Variants in C12orf42 observed in about 807,000 individuals in gnomAD.
C12orf42 encodes the protein uncharacterized protein C12orf42.
In C12orf42, 25 loss-of-function variants were observed where a neutral mutation model predicts 21.6. The ratio of observed to expected loss-of-function variants is 1.16; its 90% CI spans 0.84 to 1.62. The LOEUF (loss-of-function observed/expected upper bound fraction) is 1.62. C12orf42 is among the 40% of genes most tolerant of loss of function. The probability of loss-of-function intolerance (pLI) is 0.00; values close to 1 mark genes in which losing one functional copy is unlikely to be tolerated. For synonymous variants in C12orf42, 174 were observed against 175.0 expected, an observed-to-expected ratio of 0.99 and a Z score of 0.05; for missense variants, 483 against 459.3, an observed-to-expected ratio of 1.05 and a Z score of -0.47.
chr12:103,302,460 GGCTCGA>G lies in C12orf42; in HGVS notation c.725_730del (p.Leu242_Glu243del), dbSNP rs762986249. The G allele has an allele frequency of 1.9e-6, 3 of 1,613,504 alleles. No individual in the cohort carries two copies. The African/African-American group carries it at 4.0e-5, about 22-fold the overall frequency. ...TGCTGGGACTGCCATCCTCTCCTCC[GGCTCGA>G]GCTCTGTGTTACTCGGGCCGGTGCT... On this transcript the variant is annotated inframe_deletion, in exon 6 of 6. Coordinates refer to ENST00000548883, the MANE Select transcript of C12orf42 (RefSeq NM_198521.5).
rs1463800002 is a variant in C12orf42 at position 103,306,292 on chromosome 12, A to T, written c.313T>A (p.Cys105Ser). 10 of 1,613,296 alleles carry T rather than the reference A, an allele frequency of 6.2e-6. No individual in the cohort carries two copies. The highest frequency in any genetic ancestry group is 8.5e-6 in the Non-Finnish European group (10 of 1,179,638). ...GAACACCTGGGGACTATGTACTGGC[A>T]AGTATGAAGTAGTCTTTTACACGCC... The part of the protein sequence containing the change: ...SMACKRLLHT[C>S]QYIVPRCSVS... Residue 105 changes from cysteine to serine, a missense_variant, in exon 5 of 6, where the codon TGC (cysteine) becomes AGC (serine). By Grantham distance (112) the Cys-to-Ser change is moderately radical. Coordinates refer to ENST00000548883, the MANE Select transcript of C12orf42 (RefSeq NM_198521.5).
chr12:103,482,163 C>T (rs192108108), intron 1 of C12orf42, among the ~76,000 whole-genome samples: 181 of 152,122 alleles, frequency 1.2e-3, no homozygotes, highest in Non-Finnish European at 2.2e-3. Context: ...CATAATCAGC[C>T]TTTTTTGCAT....
the C12orf42 span, among the ~76,000 whole-genome samples, chr12:103,193,878 C>A: frequency 6.6e-6 from 1 of 152,034 alleles, no homozygotes; most frequent in Non-Finnish European, 1.5e-5. Context: ...GGCACCAACA[C>A]AAAACTATAG....
chr12:103,273,760 G>A (rs952483484), intron 5 of C12orf42: 3 of 439,728 alleles, frequency 6.8e-6, no homozygotes, highest in Non-Finnish European at 1.4e-5. Flanking sequence ...AGAAAGAGAA[G>A]AGAAAGAGAA....
At chr12:103,171,181 A>T in the C12orf42 span, among the ~76,000 whole-genome samples, 1 of 152,156 alleles carries the variant, frequency 6.6e-6, no homozygotes, top group African/African-American at 2.4e-5. Flanking sequence ...CTAAAATAGC[A>T]GCCATCCCAA....
At chr12:103,170,686 ATCTC>A in the C12orf42 span, among the ~76,000 whole-genome samples, 1 of 152,034 alleles carries the variant, frequency 6.6e-6, no homozygotes, top group Non-Finnish European at 1.5e-5. Context: ...GTGTCCTGCC[ATCTC>A]TCTCTCTTCT....
chr12:103,412,604 G>C lies in C12orf42; in HGVS notation c.79-10929C>G, dbSNP rs2048946326. On this transcript the variant is annotated intron_variant, in intron 2 of 5. Coordinates refer to ENST00000548883, the MANE Select transcript of C12orf42 (RefSeq NM_198521.5). ...GAATCACTTGAACCTGGGAGGCAGA[G>C]GTTGGCTTACTACAACTTACTGCAA... Among the ~76,000 whole-genome samples the C allele has an allele frequency of 1.4e-4, 21 of 152,304 alleles. No individual in the cohort carries two copies. The South Asian group carries it at 4.4e-3, about 32-fold the overall frequency.
intron 4 of C12orf42, among the ~76,000 whole-genome samples, chr12:103,362,707 A>T (rs561230567): frequency 1.3e-5 from 2 of 152,250 alleles, no homozygotes; most frequent in South Asian, 2.1e-4. Flanking sequence ...AAGCTCCTGG[A>T]AAGTCTCAGC....
At chr12:103,551,910 C>G in the C12orf42 span, among the ~76,000 whole-genome samples, 1 of 152,052 alleles carries the variant, frequency 6.6e-6, no homozygotes, top group Non-Finnish European at 1.5e-5. Flanking sequence ...AAGAGAATCA[C>G]CTTAGTCTAG....
In C12orf42 at chr12:103,445,183, C is replaced by G. The variant is rs75888700; in HGVS notation, c.78+33166G>C. Among the ~76,000 whole-genome samples, 835 of 152,120 alleles carry G rather than the reference C, an allele frequency of 5.5e-3. 10 individuals carry two copies. Among genetic ancestry groups the G allele is most frequent in the African/African-American group, 0.019 (788 of 41,550 alleles). Reference sequence around the variant, plus strand: ...TTCTCCCTCAACCTGTGGGATCTGACACTGTCTCCAGGTAGATGATGTCAG... The same window carrying G: ...TTCTCCCTCAACCTGTGGGATCTGAGACTGTCTCCAGGTAGATGATGTCAG... On this transcript the variant is annotated intron_variant, in intron 2 of 5. Coordinates refer to ENST00000548883, the MANE Select transcript of C12orf42 (RefSeq NM_198521.5).
chr12:103,309,815 C>T (rs945946433), intron 4 of C12orf42, among the ~76,000 whole-genome samples: 3 of 152,222 alleles, frequency 2.0e-5, no homozygotes, highest in African/African-American at 7.2e-5. Context: ...GCAAAGAGGG[C>T]ATTGGCCATG....
intron 3 of C12orf42, among the ~76,000 whole-genome samples, chr12:103,393,387 A>G (rs999586406): frequency 1.3e-5 from 2 of 152,148 alleles, no homozygotes; most frequent in African/African-American, 4.8e-5. Context: ...ACGCACTATC[A>G]CAAGAACAGT....
the C12orf42 span, among the ~76,000 whole-genome samples, chr12:103,228,908 C>A: frequency 6.6e-6 from 1 of 151,176 alleles, no homozygotes; most frequent in African/African-American, 2.4e-5. Flanking sequence ...GGGAATCTTG[C>A]TCTGTTATTT....
downstream of C12orf42, among the ~76,000 whole-genome samples, chr12:103,301,038 C>T (rs1283737443): frequency 6.6e-6 from 1 of 152,120 alleles, no homozygotes; most frequent in African/African-American, 2.4e-5. Context: ...CTTCAGTCTC[C>T]AAAGGACTAA....
chr12:103,554,289 AAGGGGAAAAACTGAAAACC>A, the C12orf42 span, among the ~76,000 whole-genome samples: 43 of 152,294 alleles, frequency 2.8e-4, no homozygotes, highest in Admixed American at 6.5e-4. Flanking sequence ...CTGGAAAGAA[AAGGGGAAAAACTGAAAACC>A]AGGTGGTGGG....
chr12:103,211,303 C>A, the C12orf42 span, among the ~76,000 whole-genome samples: 1 of 151,626 alleles, frequency 6.6e-6, no homozygotes, highest in Non-Finnish European at 1.5e-5. Context: ...CTAATTAGGA[C>A]CTCATCATTA....
the C12orf42 span, chr12:103,505,001 G>T: frequency 3.6e-5 from 7 of 194,738 alleles, no homozygotes; most frequent in East Asian, 1.5e-4. Context: ...GCTGGACCAT[G>T]GGAATGCTGT....
chr12:103,052,283 G>C, the C12orf42 span, among the ~76,000 whole-genome samples: 4 of 152,060 alleles, frequency 2.6e-5, no homozygotes, highest in African/African-American at 9.7e-5. Flanking sequence ...TTTTGAAGTG[G>C]CTTTAAAAAT....
At chr12:103,394,208 G>T (rs935225414) in intron 3 of C12orf42, among the ~76,000 whole-genome samples, 1 of 152,230 alleles carries the variant, frequency 6.6e-6, no homozygotes, top group Non-Finnish European at 1.5e-5. Context: ...AGTCAGAGAG[G>T]AGATTGAGAA....
Sources: allele counts gnomAD v4.1 joint callset (sites outside exome capture counted in the v4.1 genomes callset), GRCh38; gene constraint gnomAD v4.1.1; transcripts MANE v1.5; gene names NCBI Gene and HGNC (gene_info 2026-07-23, HGNC 2026-07-21).